Variants in IL1RAPL2 observed in about 807,000 individuals in gnomAD.
IL1RAPL2 encodes the protein interleukin 1 receptor accessory protein like 2, also known as X-linked interleukin-1 receptor accessory protein-like 2.
Under a neutral mutation model 44.1 loss-of-function variants are expected in IL1RAPL2, and 3 were observed. The ratio of observed to expected loss-of-function variants is 0.07; its 90% CI spans 0.03 to 0.18. The LOEUF is 0.18. Among genes scored for constraint, IL1RAPL2 ranks in the 10% least tolerant of loss-of-function variants. IL1RAPL2 has a pLI of 1.00. For synonymous variants in IL1RAPL2, 181 were observed against 178.8 expected (o/e 1.01, Z -0.10); for missense variants, 391 against 496.4 (o/e 0.79, Z 2.02).
In IL1RAPL2 at chrX:104,793,373, A is replaced by G. The variant is rs1932835148; in HGVS notation, c.82+134378A>G. Among the ~76,000 whole-genome samples, 2 of 111,751 alleles carry G rather than the reference A, an allele frequency of 1.8e-5. 1 individual carries two copies. Among genetic ancestry groups the G allele is most frequent in the Admixed American group, 1.9e-4 (2 of 10,492 alleles). Reference sequence around the variant, plus strand: ...TTATATCACCAGTGGATAGCATGGGACCTGGAACACCATATATGTTTAGGA... The same window carrying G: ...TTATATCACCAGTGGATAGCATGGGGCCTGGAACACCATATATGTTTAGGA... On this transcript the variant is annotated intron_variant, in intron 2 of 10. Transcript: ENST00000372582.
At chrX:105,446,257 C>T (rs2035953651) in intron 5 of IL1RAPL2, among the ~76,000 whole-genome samples, 1 of 110,727 alleles carries the variant, frequency 9.0e-6, no homozygotes, top group African/African-American at 3.3e-5. Context: ...TTTTTCCATC[C>T]CTTTATTTTC....
At chrX:105,274,437 C>A (rs1305606344) in intron 5 of IL1RAPL2, among the ~76,000 whole-genome samples, 1 of 112,315 alleles carries the variant, frequency 8.9e-6, no homozygotes, top group African/African-American at 3.2e-5. Flanking sequence ...ATGTTCATTG[C>A]AGTTATGACT....
chrX:104,597,140 T>C (rs1928779778), intron 1 of IL1RAPL2, among the ~76,000 whole-genome samples: 1 of 110,110 alleles, frequency 9.1e-6, no homozygotes, highest in African/African-American at 3.3e-5. Context: ...GTTCAGGAGT[T>C]CAAGACCAGC....
chrX:105,060,143 T>A (rs1327850119), intron 2 of IL1RAPL2, among the ~76,000 whole-genome samples: 3 of 111,628 alleles, frequency 2.7e-5, no homozygotes, highest in Non-Finnish European at 5.6e-5. Context: ...TATAAGTCAT[T>A]TTAACTGGAA....
intron 2 of IL1RAPL2, among the ~76,000 whole-genome samples, chrX:104,951,532 G>A (rs1346531952): frequency 8.9e-6 from 1 of 112,395 alleles, no homozygotes; most frequent in East Asian, 2.8e-4. Flanking sequence ...GGCTTCTATT[G>A]TAAAATTGCA....
At chrX:105,761,354 C>A (rs761651003) in intron 10 of IL1RAPL2, among the ~76,000 whole-genome samples, 16 of 109,501 alleles carry the variant, frequency 1.5e-4, no homozygotes, top group Non-Finnish European at 2.8e-4. Flanking sequence ...GACCTAAAAT[C>A]TTTAGCAACA....
intron 2 of IL1RAPL2, among the ~76,000 whole-genome samples, chrX:104,741,298 A>G (rs1325080493): frequency 9.0e-6 from 1 of 111,545 alleles, no homozygotes; most frequent in African/African-American, 3.2e-5. Flanking sequence ...CAAGTGCTAT[A>G]AACTACTGCC....
At chrX:104,983,932 G>T (rs779725071) in intron 2 of IL1RAPL2, among the ~76,000 whole-genome samples, 1 of 109,769 alleles carries the variant, frequency 9.1e-6, no homozygotes, top group South Asian at 3.8e-4. Context: ...GCTCCATTGA[G>T]TTGGCAATCT....
intron 7 of IL1RAPL2, among the ~76,000 whole-genome samples, chrX:105,740,320 T>C (rs949615812): frequency 8.0e-4 from 89 of 111,859 alleles, no homozygotes; most frequent in Non-Finnish European, 1.2e-3. Flanking sequence ...ATATTTCTTT[T>C]TGCCAAGTGA....
chrX:104,569,007 A>G lies in IL1RAPL2; in HGVS notation c.-20+1956A>G, dbSNP rs777583354. Among the ~76,000 whole-genome samples the G allele has an allele frequency of 4.5e-5, 5 of 112,042 alleles. No homozygotes were observed. The South Asian group carries it at 1.9e-3, about 42-fold the overall frequency. The stretch of plus-strand genomic sequence containing the variant: ...AGCAGCTGATTTAAATAGCGTTTAA[A>G]TGTGGATAAAGGGCTGTGGCATCAA... On this transcript the variant is annotated intron_variant, in intron 1 of 10. Transcript: ENST00000372582.
intron 2 of IL1RAPL2, among the ~76,000 whole-genome samples, chrX:104,841,183 T>A (rs1381081125): frequency 8.9e-6 from 1 of 112,149 alleles, no homozygotes; most frequent in Non-Finnish European, 1.9e-5. Flanking sequence ...GTTTAAAGTC[T>A]GTTTTATCAG....
intron 6 of IL1RAPL2, among the ~76,000 whole-genome samples, chrX:105,546,633 G>T (rs1432737792): frequency 9.0e-6 from 1 of 111,451 alleles, no homozygotes; most frequent in Non-Finnish European, 1.9e-5. Flanking sequence ...AGGAGGATCT[G>T]CTGAAAACTA....
At chrX:105,600,609 TATAA>T (rs1416700506) in intron 6 of IL1RAPL2, among the ~76,000 whole-genome samples, 89 of 108,833 alleles carry the variant, frequency 8.2e-4, no homozygotes, top group African/African-American at 2.8e-3. Flanking sequence ...ATAAACTTCT[TATAA>T]ATAATTTTAT....
intron 10 of IL1RAPL2, among the ~76,000 whole-genome samples, chrX:105,761,094 G>T (rs1283089019): frequency 9.3e-6 from 1 of 107,011 alleles, no homozygotes; most frequent in Non-Finnish European, 1.9e-5. Context: ...TAGGAGAATT[G>T]CTTGAACCCA....
At chrX:105,542,691 TTTTATTTATTTATTTA>T (rs1225259466) in intron 6 of IL1RAPL2, among the ~76,000 whole-genome samples, 4 of 96,153 alleles carry the variant, frequency 4.2e-5, no homozygotes, top group Admixed American at 2.2e-4. Context: ...TTTTTATATT[TTTTATTTATTTATTTA>T]TTTATTTATT....
intron 2 of IL1RAPL2, among the ~76,000 whole-genome samples, chrX:104,907,258 TGGATTCATTAATTTTTTGAA>T (rs1210103550): frequency 8.9e-6 from 1 of 111,953 alleles, no homozygotes; most frequent in East Asian, 2.8e-4. Context: ...AACCAGCTCC[TGGATTCATTAATTTTTTGAA>T]GGGTTTTTTG....
At chrX:105,491,258 C>T (rs1293311099) in intron 6 of IL1RAPL2, among the ~76,000 whole-genome samples, 1 of 109,002 alleles carries the variant, frequency 9.2e-6, no homozygotes, top group African/African-American at 3.3e-5. Flanking sequence ...ACATATACAC[C>T]ATGGAATACT....
At chrX:104,716,288 A>T (rs1238307195) in intron 2 of IL1RAPL2, among the ~76,000 whole-genome samples, 2 of 111,862 alleles carry the variant, frequency 1.8e-5, no homozygotes, top group African/African-American at 6.5e-5. Flanking sequence ...ACTAAGATGG[A>T]TTAAAGACTT....
chrX:105,625,068 T>C (rs1459289852), intron 6 of IL1RAPL2, among the ~76,000 whole-genome samples: 1 of 112,165 alleles, frequency 8.9e-6, no homozygotes, highest in Non-Finnish European at 1.9e-5. Context: ...TACTTGGACA[T>C]AGATATATTG....
Sources: allele counts gnomAD v4.1 joint callset (sites outside exome capture counted in the v4.1 genomes callset), GRCh38; gene constraint gnomAD v4.1.1; transcripts MANE v1.5; gene names NCBI Gene and HGNC (gene_info 2026-07-23, HGNC 2026-07-21).